The following VWA5B1 variants were observed in gnomAD, a reference collection of about 807,000 sequenced individuals.
VWA5B1 encodes von Willebrand factor A domain containing 5B1, also known as von Willebrand factor A domain-containing protein 5B1.
VWA5B1 carries 115 observed loss-of-function variants against 118.2 expected under a neutral mutation model. The ratio of observed to expected loss-of-function variants is 0.97; its 90% CI spans 0.84 to 1.14. VWA5B1 has a LOEUF of 1.14. VWA5B1 is among the 50% of genes most tolerant of loss of function. VWA5B1 has a pLI of 0.00. For missense variants in VWA5B1, 1,596 were observed against 1,603.8 expected (o/e 1.00, Z 0.08); for synonymous variants, 682 against 658.4 (o/e 1.04, Z -0.55).
At chr1:20,300,056 C>A (rs2088477789) in intron 1 of VWA5B1, among the ~76,000 whole-genome samples, 2 of 151,904 alleles carry the variant, frequency 1.3e-5, no homozygotes, top group South Asian at 4.2e-4. Flanking sequence ...GGATCTGGGG[C>A]CAGATGCTTG....
chr1:20,348,045 C>T (rs2090043946), intron 17 of VWA5B1, among the ~76,000 whole-genome samples, 200 bp from the exon 18 acceptor site: 1 of 152,198 alleles, frequency 6.6e-6, no homozygotes, highest in African/African-American at 2.4e-5. Context: ...CCGCACCCAT[C>T]CAACTGGAAA....
Position 20,312,817 on chromosome 1 carries a change from C to T in VWA5B1, c.140-19C>T. The T allele has an allele frequency of 6.5e-7, 1 of 1,539,982 alleles. No individual in the cohort carries two copies. The highest frequency in any genetic ancestry group is 8.8e-7 in the Non-Finnish European group (1 of 1,139,204). Reference sequence around the variant, plus strand: ...GGTAGGCCTGGGGCACCCCGTGATGCTGGGCCCTGCTCCGACAGGCCTCTT... The same window carrying T: ...GGTAGGCCTGGGGCACCCCGTGATGTTGGGCCCTGCTCCGACAGGCCTCTT... On this transcript the variant is annotated intron_variant, in intron 2 of 21. Transcript: ENST00000289815.
rs373225145 is a variant in VWA5B1, at chr1:20,330,988, G to C, written c.1572+5G>C. The C allele has an allele frequency of 6.8e-5, 105 of 1,542,792 alleles. 2 individuals are homozygous for C. In the South Asian group the frequency reaches 1.1e-3, roughly 16 times the overall value. Reference sequence around the variant, plus strand: ...GGGGAGCGGCTGCAACCCAAGGTAGGCAGCAGAACCCACGCAGTCCCTTCT... The same window carrying C: ...GGGGAGCGGCTGCAACCCAAGGTAGCCAGCAGAACCCACGCAGTCCCTTCT... On this transcript the variant is annotated splice_donor_5th_base_variant and intron_variant, in intron 11 of 21. Transcript: ENST00000289815.
chr1:20,297,500 G>C lies in VWA5B1; in HGVS notation c.-27+6412G>C, dbSNP rs184808557. On this transcript the variant is annotated intron_variant, in intron 1 of 21. Transcript: ENST00000289815. ...GAAGCTGGGAGCTGCAGCTTACCACGCACCCAGAGGAGGAGAAGGCAGAAG... is the reference window on the plus strand; with the variant it reads ...GAAGCTGGGAGCTGCAGCTTACCACCCACCCAGAGGAGGAGAAGGCAGAAG... Among the ~76,000 whole-genome samples the C allele has an allele frequency of 2.0e-4, 31 of 152,344 alleles. No homozygotes were observed. The East Asian group carries it at 5.4e-3, about 27-fold the overall frequency.
chr1:20,350,240 C>T lies in VWA5B1; in HGVS notation c.2953+10C>T, dbSNP rs1285883508. Reference sequence around the variant, plus strand: ...CACGGTGCTTCTGAAGGTGAGTGGGCAGGTGGCGCTGCCTCTTCATCAAGA... The same window carrying T: ...CACGGTGCTTCTGAAGGTGAGTGGGTAGGTGGCGCTGCCTCTTCATCAAGA... On this transcript the variant is annotated intron_variant, in intron 19 of 21. Coordinates refer to ENST00000289815, the MANE Select transcript of VWA5B1 (RefSeq NM_001039500.3). The T allele has an allele frequency of 7.7e-6, 12 of 1,550,838 alleles. No individual in the cohort carries two copies. The highest frequency in any genetic ancestry group is 8.7e-6 in the Non-Finnish European group (10 of 1,146,872).
At chr1:20,312,658 C>T (rs574777936) in intron 2 of VWA5B1, among the ~76,000 whole-genome samples, 178 bp from the exon 3 acceptor site, 1 of 152,324 alleles carries the variant, frequency 6.6e-6, no homozygotes, top group African/African-American at 2.4e-5. Flanking sequence ...GCTGTGCTTA[C>T]CCACCTGGTC....
At position 20,299,732 on chromosome 1, in the gene VWA5B1, G is replaced by A. The variant is rs376463797; in HGVS notation, c.-27+8644G>A. Among the ~76,000 whole-genome samples, 24 of 152,326 alleles carry A rather than the reference G, an allele frequency of 1.6e-4. No homozygotes were observed. The East Asian group carries it at 3.3e-3, about 21-fold the overall frequency. ...AGTGGCATCTTGTTGAAATGACTTC[G>A]AAGTGGGAGTCTTCTCTAGTGTGCT... On this transcript the variant is annotated intron_variant, in intron 1 of 21. Coordinates refer to ENST00000289815, the MANE Select transcript of VWA5B1 (RefSeq NM_001039500.3).
At chr1:20,310,476 ATGATGCTC>A in intron 1 of VWA5B1, 92 bp from the exon 2 acceptor site, 2 of 1,185,874 alleles carry the variant, frequency 1.7e-6, no homozygotes, top group Non-Finnish European at 2.2e-6. Context: ...AATGAAAACA[ATGATGCTC>A]TGATTGCTTG....
chr1:20,352,135 C>A lies in VWA5B1; in HGVS notation c.3104C>A (p.Ser1035Ter). The A allele has an allele frequency of 6.4e-7, 1 of 1,551,334 alleles. No individual in the cohort carries two copies. Among genetic ancestry groups the A allele is most frequent in the South Asian group, 1.2e-5 (1 of 84,016 alleles). The change falls in exon 21 of 22, where the codon TCG becomes TAG. Residue 1035 changes from serine (S) to a stop codon, truncating the protein, a stop_gained. Coordinates refer to ENST00000289815, the MANE Select transcript of VWA5B1 (RefSeq NM_001039500.3). LOFTEE classifies it low-confidence loss of function (END_TRUNC). ...AAGCCACTGATCAAAGCTGTGGAGT[C>A]GACCTCCGGGAACCAGAGCTTCGAC... ...LSKPLIKAVE[S>*]TSGNQSFDYI...
intron 1 of VWA5B1, among the ~76,000 whole-genome samples, chr1:20,305,230 T>C (rs561282759): frequency 2.6e-5 from 4 of 152,238 alleles, no homozygotes; most frequent in Non-Finnish European, 5.9e-5. Context: ...GTCTTGAAGA[T>C]GGACCCATCA....
chr1:20,312,809 C>A, intron 2 of VWA5B1, 27 bp from the exon 3 acceptor site: 1 of 1,533,750 alleles, frequency 6.5e-7, no homozygotes, highest in South Asian at 1.2e-5. Flanking sequence ...CTGGGGCACC[C>A]CGTGATGCTG....
At chr1:20,312,714 G>T (rs7530055) in intron 2 of VWA5B1, 122 bp from the exon 3 acceptor site, 145,274 of 1,319,018 alleles carry the variant, frequency 0.11, 10,192 homozygotes, top group African/African-American at 0.32. Context: ...AGGCCTCTCG[G>T]CATCCAATAA....
Position 20,345,460 on chromosome 1 carries a change from C to T in VWA5B1, c.2631C>T (p.Ser877=). 2 of 1,550,910 alleles carry T rather than the reference C, an allele frequency of 1.3e-6. No individual in the cohort carries two copies. Among genetic ancestry groups the T allele is most frequent in the Non-Finnish European group, 1.7e-6 (2 of 1,146,980 alleles). Reference sequence around the variant, plus strand: ...CCCCAGTTTCTCCCTCCACAGGGTCCAACCGCCGCTACCAAGTGAGCGCCT... The same window carrying T: ...CCCCAGTTTCTCCCTCCACAGGGTCTAACCGCCGCTACCAAGTGAGCGCCT... ...AEREGEIEQG[S]NRRYQVSALH... is the part of the protein sequence containing the mutation. The change falls in exon 17 of 22, where the codon TCC becomes TCT. Residue 877 remains serine, a synonymous_variant. Transcript: ENST00000289815.
At chr1:20,337,584 G>A in intron 13 of VWA5B1, 62 bp from the exon 14 acceptor site, 3 of 1,477,338 alleles carry the variant, frequency 2.0e-6, no homozygotes, top group East Asian at 2.5e-5. Context: ...GAAAGGGGAT[G>A]CAAGCCCCAC....
At chr1:20,347,945 T>C (rs1299977139) in intron 17 of VWA5B1, among the ~76,000 whole-genome samples, 1 of 152,224 alleles carries the variant, frequency 6.6e-6, no homozygotes, top group African/African-American at 2.4e-5. Context: ...TTGTGCCTTC[T>C]TGAACATTCT....
rs1214706704 is a variant in VWA5B1 at position 20,327,928 on chromosome 1, C to T, written c.1182C>T (p.Ala394=). ...MLVALKSLMP[A]CLFNIIGFGS... is the part of the protein sequence containing the mutation. ...TGGCCCTTAAGAGCCTCATGCCAGC[C>T]TGCCTCTTCAATATCATTGGGTTTG... The change falls in exon 9 of 22, where the codon GCC becomes GCT. Residue 394 remains alanine (A), a synonymous_variant. Coordinates refer to ENST00000289815, the MANE Select transcript of VWA5B1 (RefSeq NM_001039500.3). 2.6e-6 allele frequency: 4 copies of T among 1,551,486 alleles called. No homozygotes were observed. The highest frequency in any genetic ancestry group is 1.4e-5 in the African/African-American group (1 of 72,986).
At position 20,312,567 on chromosome 1, in the gene VWA5B1, C is replaced by T. The variant is rs142007133; in HGVS notation, c.140-269C>T. Among the ~76,000 whole-genome samples, 719 of 152,286 alleles carry T rather than the reference C, an allele frequency of 4.7e-3. 3 individuals are homozygous for T. The highest frequency in any genetic ancestry group is 9.3e-3 in the Admixed American group (142 of 15,294). ...AGGCCCACACAAGTCCCATAGAAAC[C>T]CATGTTTTCACTCTCTTGGAAAATC... On this transcript the variant is annotated intron_variant, in intron 2 of 21. Transcript: ENST00000289815.
intron 7 of VWA5B1, among the ~76,000 whole-genome samples, chr1:20,320,400 CT>C (rs1204243403): frequency 1.3e-5 from 2 of 152,176 alleles, no homozygotes; most frequent in African/African-American, 2.4e-5. Flanking sequence ...AGAGACCCCC[CT>C]AGAAGCACAT....
intron 14 of VWA5B1, among the ~76,000 whole-genome samples, chr1:20,341,282 C>T (rs896291774): frequency 1.7e-4 from 26 of 152,130 alleles, no homozygotes; most frequent in African/African-American, 5.1e-4. Flanking sequence ...ACTTGCACAT[C>T]GATATTTGCA....
Sources: gnomAD v4.1 joint callset for allele counts (sites outside exome capture counted in the v4.1 genomes callset) on GRCh38, gnomAD v4.1.1 for gene constraint, MANE v1.5 for transcripts, NCBI Gene and HGNC (gene_info 2026-07-23, HGNC 2026-07-21) for gene names.